Variants in DNAJC10 observed in about 807,000 individuals in gnomAD.
DNAJC10 encodes endoplasmic reticulum disulfide reductase DNAJC10.
A neutral mutation model predicts 115.0 loss-of-function variants in DNAJC10; 101 were observed. That is an observed-to-expected ratio of 0.88 (90% CI 0.75 to 1.04). DNAJC10 has a LOEUF of 1.04. DNAJC10 is among the 50% of genes least tolerant of loss of function. The pLI, the probability that DNAJC10 is intolerant of heterozygous loss-of-function variation, is 0.00. For missense variants in DNAJC10, 981 were observed against 928.8 expected, an observed-to-expected ratio of 1.06 and a Z score of -0.73; for synonymous variants, 307 against 301.5, an observed-to-expected ratio of 1.02 and a Z score of -0.19.
rs761381311 is a variant in DNAJC10, at chr2:182,732,484, T to G, written c.806-15T>G. ...ATAAAGGTAAAACTGCCTCATAAGG[T>G]TTTTTTGTCCCCAGATTGTTTGACT... is the stretch of plus-strand genomic sequence containing the variant. On this transcript the variant is annotated splice_polypyrimidine_tract_variant and intron_variant, in intron 9 of 23. Coordinates refer to ENST00000264065, the MANE Select transcript of DNAJC10 (RefSeq NM_018981.4). 9.3e-6 allele frequency: 15 copies of G among 1,611,684 alleles called. No homozygotes were observed. Among genetic ancestry groups the G allele is most frequent in the Non-Finnish European group, 1.2e-5 (14 of 1,178,202 alleles).
At chr2:182,727,456 G>C (rs1265100148) in intron 5 of DNAJC10, among the ~76,000 whole-genome samples, 1 of 152,050 alleles carries the variant, frequency 6.6e-6, no homozygotes, top group Non-Finnish European at 1.5e-5. Flanking sequence ...AATTTGTACT[G>C]GTTTGTGGTC....
intron 22 of DNAJC10, among the ~76,000 whole-genome samples, chr2:182,769,981 T>G (rs1694517241): frequency 6.6e-6 from 1 of 152,234 alleles, no homozygotes; most frequent in South Asian, 2.1e-4. Context: ...TAATCCATCT[T>G]GAATTAATTT....
In DNAJC10 at chr2:182,788,574, C is replaced by A; in HGVS notation, c.*11442C>A. The A allele has an allele frequency of 4.0e-6, 1 of 248,574 alleles. No individual in the cohort carries two copies. The highest frequency in any genetic ancestry group is 2.3e-5 in the African/African-American group (1 of 43,636). 15.4% of individuals were successfully genotyped at this position (248,574 alleles called of 1,614,324 possible). On this transcript the variant is annotated 3_prime_UTR_variant, in exon 24 of 24. Coordinates refer to ENST00000264065, the MANE Select transcript of DNAJC10 (RefSeq NM_018981.4). ...GAAATAAGGATGGACAGTTTAAGTA[C>A]TTATCTCAAAAGGAAAAATGTTAGC...
rs1693430914 is a variant in DNAJC10, at chr2:182,731,017, TTTTA to T, written c.728-9_728-6del. The T allele has an allele frequency of 5.0e-6, 8 of 1,600,304 alleles. No homozygotes were observed. The East Asian group carries it at 1.8e-4, about 36-fold the overall frequency. On this transcript the variant is annotated splice_polypyrimidine_tract_variant and intron_variant, in intron 8 of 23. Coordinates refer to ENST00000264065, the MANE Select transcript of DNAJC10 (RefSeq NM_018981.4). ...AGGTGATCAGAATTTGCTTTTTTTC[TTTTA>T]TTTTTAAGGAAATTTTGTCAACTCC...
Position 182,779,532 on chromosome 2 carries a change from C to T in DNAJC10, c.*2400C>T, listed in dbSNP as rs1694793757. ...GCTGAGGCAGGAGGGATTGCTTGGG[C>T]TCAGGATTTTGAATCCAGCCTGGGC... On this transcript the variant is annotated 3_prime_UTR_variant, in exon 24 of 24. Transcript: ENST00000264065. 1 of 152,164 alleles carries T rather than the reference C, an allele frequency of 6.6e-6. No homozygotes were observed. The highest frequency in any genetic ancestry group is 2.1e-4 in the South Asian group (1 of 4,818). 9.4% of individuals were successfully genotyped at this position (152,164 alleles called of 1,614,324 possible). A position where few individuals can be genotyped will look rare whatever the true frequency, so the allele number is the denominator to read the frequency against.
In DNAJC10 at chr2:182,790,686, G is replaced by A. The variant is rs939384808; in HGVS notation, c.*13554G>A. 6.6e-6 allele frequency: 1 copy of A among 151,828 alleles called. No individual in the cohort carries two copies. The highest frequency in any genetic ancestry group is 1.5e-5 in the Non-Finnish European group (1 of 68,030). 9.4% of individuals were successfully genotyped at this position (151,828 alleles called of 1,614,324 possible). ...CGCCTGTAATCCCAGCTACTTGGGA[G>A]TCTGAGACAGGAAAATCGCTTGAAC... On this transcript the variant is annotated 3_prime_UTR_variant, in exon 24 of 24. Transcript: ENST00000264065.
At chr2:182,756,181 C>G in intron 17 of DNAJC10, 133 bp from the exon 18 acceptor site, 1 of 725,112 alleles carries the variant, frequency 1.4e-6, no homozygotes, top group Non-Finnish European at 2.1e-6. Context: ...TGCAAATATT[C>G]CAAAATTCAA....
intron 22 of DNAJC10, among the ~76,000 whole-genome samples, chr2:182,771,664 G>T (rs896234638): frequency 6.6e-6 from 1 of 151,958 alleles, no homozygotes; most frequent in African/African-American, 2.4e-5. Flanking sequence ...CTGTGGGATT[G>T]GTGGTGATAT....
At chr2:182,716,859 G>A (rs1222547943) in intron 1 of DNAJC10, among the ~76,000 whole-genome samples, 157 bp from the exon 2 acceptor site, 3 of 152,128 alleles carry the variant, frequency 2.0e-5, no homozygotes, top group Non-Finnish European at 4.4e-5. Context: ...CGGTAGCTCG[G>A]GCCACGGGCA....
intron 22 of DNAJC10, among the ~76,000 whole-genome samples, chr2:182,769,869 G>T (rs1694514607): frequency 1.3e-5 from 2 of 152,106 alleles, no homozygotes; most frequent in African/African-American, 4.8e-5. Context: ...ATTGCTTTTG[G>T]TGTTTTCGTC....
rs1470772800 is a variant in DNAJC10 at position 182,780,621 on chromosome 2, C to G, written c.*3489C>G. ...GAATTACAAAATTTAGGCCAATGAC[C>G]AAGCTGAGTATAAATTACTAATCAT... On this transcript the variant is annotated 3_prime_UTR_variant, in exon 24 of 24. Transcript: ENST00000264065. 1.3e-5 allele frequency: 2 copies of G among 152,134 alleles called. No individual in the cohort carries two copies. The highest frequency in any genetic ancestry group is 2.9e-5 in the Non-Finnish European group (2 of 68,030). The allele number at this position is 152,134 out of a possible 1,614,324, so 9.4% of individuals were successfully genotyped here. A position where few individuals can be genotyped will look rare whatever the true frequency, so the allele number is the denominator to read the frequency against.
intron 3 of DNAJC10, among the ~76,000 whole-genome samples, chr2:182,718,803 A>G (rs1183896219): frequency 1.3e-5 from 2 of 152,210 alleles, no homozygotes; most frequent in African/African-American, 4.8e-5. Flanking sequence ...AATGCCAGTC[A>G]TAAATATTTA....
In DNAJC10 at chr2:182,782,064, G is replaced by GT. The variant is rs1289655562; in HGVS notation, c.*4938dup. 1.3e-5 allele frequency: 2 copies of GT among 152,098 alleles called. No homozygotes were observed. The highest frequency in any genetic ancestry group is 2.1e-4 in the South Asian group (1 of 4,822). 9.4% of individuals were successfully genotyped at this position (152,098 alleles called of 1,614,324 possible). On this transcript the variant is annotated 3_prime_UTR_variant, in exon 24 of 24. Coordinates refer to ENST00000264065, the MANE Select transcript of DNAJC10 (RefSeq NM_018981.4). Reference sequence around the variant, plus strand: ...TGGTGTTGCCTAGGTTTTCTTCTAGGTTTTTTATGGTTTCAGACCTTACAT... The same window carrying GT: ...TGGTGTTGCCTAGGTTTTCTTCTAGGTTTTTTTATGGTTTCAGACCTTACAT...
intron 22 of DNAJC10, among the ~76,000 whole-genome samples, chr2:182,769,011 T>A (rs112574618): frequency 0.022 from 3,371 of 152,198 alleles, 126 homozygotes; most frequent in African/African-American, 0.078. Flanking sequence ...GTATGTGATG[T>A]TCCCCCCACT....
chr2:182,777,671 C>T lies in DNAJC10; in HGVS notation c.*539C>T, dbSNP rs1694744140. The T allele has an allele frequency of 6.6e-6, 1 of 152,150 alleles. No individual in the cohort carries two copies. Among genetic ancestry groups the T allele is most frequent in the Admixed American group, 6.6e-5 (1 of 15,254 alleles). 9.4% of individuals were successfully genotyped at this position (152,150 alleles called of 1,614,324 possible). On this transcript the variant is annotated 3_prime_UTR_variant, in exon 24 of 24. Coordinates refer to ENST00000264065, the MANE Select transcript of DNAJC10 (RefSeq NM_018981.4). ...TCACTTGTTCTCCTAAAAATGCTAT[C>T]CCTAACCATATATTTATATTTCGTT... is the stretch of plus-strand genomic sequence containing the variant.
chr2:182,745,723 T>A (rs1033361218), intron 14 of DNAJC10, among the ~76,000 whole-genome samples: 1 of 151,824 alleles, frequency 6.6e-6, no homozygotes, highest in African/African-American at 2.4e-5. Context: ...GTTTTTTTTT[T>A]ATTTGAATTT....
At chr2:182,751,969 T>C (rs1393714896) in intron 15 of DNAJC10, 103 bp from the exon 16 acceptor site, 1 of 1,222,478 alleles carries the variant, frequency 8.2e-7, no homozygotes, top group Non-Finnish European at 1.2e-6. Context: ...GGTTTGCCGC[T>C]AAGTACAGTT....
chr2:182,723,414 T>C (rs987105564), intron 5 of DNAJC10, among the ~76,000 whole-genome samples: 1 of 152,202 alleles, frequency 6.6e-6, no homozygotes, highest in Non-Finnish European at 1.5e-5. Flanking sequence ...AGCTGTTCAA[T>C]GTGTTACTTT....
At chr2:182,766,036 A>G (rs1228250335) in intron 22 of DNAJC10, among the ~76,000 whole-genome samples, 1 of 152,234 alleles carries the variant, frequency 6.6e-6, no homozygotes, top group Admixed American at 6.5e-5. Context: ...ATACTGAGTA[A>G]CATCAGTTTG....
Sources: gnomAD v4.1 joint callset for allele counts (sites outside exome capture counted in the v4.1 genomes callset) on GRCh38, gnomAD v4.1.1 for gene constraint, MANE v1.5 for transcripts, NCBI Gene and HGNC (gene_info 2026-07-23, HGNC 2026-07-21) for gene names.